Variants in RIF1 observed in about 807,000 individuals in gnomAD.
The protein encoded by RIF1 is telomere-associated protein RIF1.
RIF1 carries 45 observed loss-of-function variants against 247.1 expected under a neutral mutation model. That is an observed-to-expected ratio of 0.18 (90% confidence interval 0.14 to 0.23). RIF1 has a LOEUF of 0.23. RIF1 is among the 10% of genes least tolerant of loss of function. The pLI is 1.00. For synonymous variants in RIF1, 1,087 were observed against 978.8 expected, an observed-to-expected ratio of 1.11 and a Z score of -2.06; for missense variants, 2,967 against 2,862.5, an observed-to-expected ratio of 1.04 and a Z score of -0.83.
chr2:151,519,861 A>G, the RIF1 span: 4 of 801,220 alleles, frequency 5.0e-6, no homozygotes, highest in Admixed American at 7.5e-5. Flanking sequence ...AAGAATATGC[A>G]TTGTACATAG....
chr2:151,446,710 T>C, intron 20 of RIF1, 135 bp downstream of exon 20: 1 of 889,908 alleles, frequency 1.1e-6, no homozygotes, highest in Non-Finnish European at 1.8e-6. Flanking sequence ...TGCAAACAAG[T>C]ATGCTTTGTG....
At chr2:151,420,504 GGT>G (rs1402860034) in intron 7 of RIF1, 125 bp downstream of exon 7, 2 of 850,036 alleles carry the variant, frequency 2.4e-6, no homozygotes, top group Non-Finnish European at 3.6e-6. Flanking sequence ...GGGAGGCTGA[GGT>G]GGGAGGATTG....
chr2:151,505,204 G>A (rs2067853159), intron 12 of RIF1, among the ~76,000 whole-genome samples: 3 of 152,098 alleles, frequency 2.0e-5, no homozygotes, highest in Admixed American at 1.3e-4. Context: ...GGAAACGAAT[G>A]GCATGATAAT....
At chr2:151,518,237 G>A in the RIF1 span, 10 of 987,538 alleles carry the variant, frequency 1.0e-5, no homozygotes, top group African/African-American at 1.6e-4. Flanking sequence ...TCAAACAATG[G>A]AGGGAATCTA....
At chr2:151,493,213 C>T (rs1192754983) in intron 9 of RIF1, 2 of 660,612 alleles carry the variant, frequency 3.0e-6, no homozygotes, top group Non-Finnish European at 5.1e-6. Flanking sequence ...GGTGTTAAAA[C>T]GTTACTTTCC....
At chr2:151,410,707 A>G (rs1303742329) in intron 2 of RIF1, among the ~76,000 whole-genome samples, 180 bp downstream of exon 2, 1 of 152,094 alleles carries the variant, frequency 6.6e-6, no homozygotes, top group East Asian at 1.9e-4. Flanking sequence ...GTTCCCGGGT[A>G]CTGCTGCTGC....
chr2:151,410,336 G>C, intron 1 of RIF1, 78 bp from the exon 2 acceptor site: 1 of 1,145,238 alleles, frequency 8.7e-7, no homozygotes, highest in Non-Finnish European at 1.3e-6. Context: ...CGGGTGTGAG[G>C]GCCGGACTCA....
At chr2:151,500,642 G>T (rs1575187522) in intron 11 of RIF1, among the ~76,000 whole-genome samples, 1 of 146,058 alleles carries the variant, frequency 6.8e-6, no homozygotes, top group East Asian at 2.0e-4. Context: ...TGTTGCCTAG[G>T]CTGGAGTACA....
Position 151,465,570 on chromosome 2 carries a change from A to G in RIF1, c.6050A>G (p.Lys2017Arg), listed in dbSNP as rs1047600270. 6.2e-6 allele frequency: 10 copies of G among 1,613,800 alleles called. No homozygotes were observed. Among genetic ancestry groups the G allele is most frequent in the Non-Finnish European group, 8.5e-6 (10 of 1,179,896 alleles). ...CACTCATCTGAAGAAACGAATACCA[A>G]AATGAAAAATAATGAAGAAATGATG... Reference protein sequence around the residue: ...DLHSSEETNTKMKNNEEMMIG... With the variant: ...DLHSSEETNTRMKNNEEMMIG... Residue 2017 changes from lysine (K) to arginine (R), a missense_variant, in exon 30 of 36, where the codon AAA becomes AGA. By Grantham distance (26) the Lys-to-Arg change is conservative (BLOSUM62 2). Transcript: ENST00000444746.
At chr2:151,466,764 C>T (rs1470224076) in intron 30 of RIF1, among the ~76,000 whole-genome samples, 1 of 152,222 alleles carries the variant, frequency 6.6e-6, no homozygotes, top group Non-Finnish European at 1.5e-5. Flanking sequence ...CGTAACTCAA[C>T]TTGTCTTATA....
rs1687559705 is a variant in RIF1, at chr2:151,418,284, A to G, written c.503+1383A>G. On this transcript the variant is annotated intron_variant, in intron 6 of 35. Transcript: ENST00000444746. ...TAGTGGTGTGATATCAGCTCTCTGC[A>G]ATCTCTACCTCCCAGGTTCAAGTAA... Among the ~76,000 whole-genome samples, 3 of 152,310 alleles carry G rather than the reference A, an allele frequency of 2.0e-5. No homozygotes were observed. In the South Asian group the frequency reaches 6.2e-4, roughly 32 times the overall value.
intron 9 of RIF1, among the ~76,000 whole-genome samples, chr2:151,430,024 CTT>C (rs762360765): frequency 9.6e-5 from 14 of 145,258 alleles, no homozygotes; most frequent in African/African-American, 1.5e-4. Context: ...TGTATAATAA[CTT>C]TTTTTTTTTT....
In RIF1 at chr2:151,463,637, G is replaced by T; in HGVS notation, c.4117G>T (p.Val1373Leu). The T allele has an allele frequency of 6.2e-7, 1 of 1,613,746 alleles. No individual in the cohort carries two copies. The highest frequency in any genetic ancestry group is 8.5e-7 in the Non-Finnish European group (1 of 1,179,872). ...TGCTGTATTATTGGAAACTAATACT[G>T]TAGAGGAGAAAAATGTAGAAATTAA... ...ENAVLLETNTVEEKNVEINLE... is the reference protein window; with the variant it reads ...ENAVLLETNTLEEKNVEINLE... The change falls in exon 30 of 36, where the codon GTA (valine) becomes TTA (leucine). Residue 1373 changes from valine to leucine, a missense_variant. Physicochemically the swap from Val to Leu is conservative, Grantham distance 32 (BLOSUM62 1). Transcript: ENST00000444746.
intron 21 of RIF1, among the ~76,000 whole-genome samples, chr2:151,453,421 A>G (rs1368262636): frequency 1.3e-5 from 2 of 152,016 alleles, no homozygotes; most frequent in Non-Finnish European, 2.9e-5. Context: ...TACTAAAAAT[A>G]CAAAAATTAG....
chr2:151,410,284 G>A lies in RIF1; in HGVS notation c.-10-130G>A, dbSNP rs972823035. The stretch of plus-strand genomic sequence containing the variant: ...CTGGGGTTTGGTGATTCGGAGGCCT[G>A]GGGTGCAGACGCGGCGTGGCTGTGA... On this transcript the variant is annotated intron_variant, in intron 1 of 35. Coordinates refer to ENST00000444746, the MANE Select transcript of RIF1 (RefSeq NM_018151.5). 7.1e-6 allele frequency: 5 copies of A among 701,964 alleles called. No homozygotes were observed. In the African/African-American group the frequency reaches 8.8e-5, roughly 12 times the overall value. 43.5% of individuals were successfully genotyped at this position (701,964 alleles called of 1,614,324 possible).
At chr2:151,485,278 A>C (rs2049542601), downstream of RIF1, 1 of 152,270 alleles carries the variant, frequency 6.6e-6, no homozygotes, top group African/African-American at 2.4e-5. Flanking sequence ...TGCTTCATTG[A>C]ATTTTTATAG....
At chr2:151,502,373 T>C (rs1277237140) in intron 11 of RIF1, among the ~76,000 whole-genome samples, 1 of 127,348 alleles carries the variant, frequency 7.9e-6, no homozygotes, top group African/African-American at 2.9e-5. Context: ...GAAAAATAAA[T>C]AAACATCTAA....
At chr2:151,442,139 G>A (rs1692413968) in intron 16 of RIF1, 148 bp downstream of exon 16, 1 of 197,570 alleles carries the variant, frequency 5.1e-6, no homozygotes, top group East Asian at 1.4e-4. Context: ...GCAGTGGCAC[G>A]ATCTCGGCTC....
intron 11 of RIF1, chr2:151,503,028 T>C (rs1575314812): frequency 3.3e-6 from 2 of 610,914 alleles, no homozygotes; most frequent in East Asian, 5.7e-5. Context: ...TTTACTTTTT[T>C]CACAGTTTTA....
Sources: allele counts gnomAD v4.1 joint callset (sites outside exome capture counted in the v4.1 genomes callset), GRCh38; gene constraint gnomAD v4.1.1; transcripts MANE v1.5; gene names NCBI Gene and HGNC (gene_info 2026-07-23, HGNC 2026-07-21).